GRB14: variants seen among roughly 807,000 people sequenced by gnomAD.
GRB14 encodes growth factor receptor bound protein 14, also known as growth factor receptor-bound protein 14.
In GRB14, 38 loss-of-function variants were observed where a neutral mutation model predicts 69.1. That is an observed-to-expected ratio of 0.55 (90% CI 0.42 to 0.72). The LOEUF is 0.72. GRB14 is among the 30% of genes least tolerant of loss of function. The pLI is 0.00. For synonymous variants in GRB14, 247 were observed against 241.3 expected, an observed-to-expected ratio of 1.02 and a Z score of -0.22; for missense variants, 666 against 666.1, an observed-to-expected ratio of 1.00 and a Z score of 0.00.
At chr2:164,602,201 G>A (rs1040971843) in intron 2 of GRB14, among the ~76,000 whole-genome samples, 3 of 151,292 alleles carry the variant, frequency 2.0e-5, no homozygotes, top group Non-Finnish European at 2.9e-5. Flanking sequence ...GGAAGGGAGG[G>A]GAGGGGAAGG....
At position 164,556,268 on chromosome 2, in the gene GRB14, G is replaced by A. The variant is rs565206018; in HGVS notation, c.325-8452C>T. On this transcript the variant is annotated intron_variant, in intron 2 of 13. Coordinates refer to ENST00000263915, the MANE Select transcript of GRB14 (RefSeq NM_004490.3). ...TCTTATTGCTATCCTGTATTATTTT[G>A]CTAGCTGTCAAATATTTACTAAGAG... is the stretch of plus-strand genomic sequence containing the variant. Among the ~76,000 whole-genome samples, 16 of 152,150 alleles carry A rather than the reference G, an allele frequency of 1.1e-4. No individual in the cohort carries two copies. The East Asian group carries it at 2.9e-3, about 28-fold the overall frequency.
chr2:164,522,068 G>C lies in GRB14; in HGVS notation c.728C>G (p.Ala243Gly). The change falls in exon 6 of 14, where the codon GCG becomes GGG. Residue 243 changes from alanine to glycine, a missense_variant. Ala to Gly is a moderately conservative substitution (Grantham distance 60, BLOSUM62 0). Transcript: ENST00000263915. ...TYPEIHGFLH[A>G]KEQGKKSWKK... ...CCAAGACTTCTTTCCCTGTTCTTTC[G>C]CATGTAAGAAACCATGAATTTCAGG... is the stretch of plus-strand genomic sequence containing the variant. 1 of 1,599,606 alleles carries C rather than the reference G, an allele frequency of 6.3e-7. No homozygotes were observed. The highest frequency in any genetic ancestry group is 1.3e-5 in the African/African-American group (1 of 74,508).
rs61305070 is a variant in GRB14 at position 164,579,501 on chromosome 2, GCACACACACACACACA to G, written c.325-31701_325-31686del. ...CCTCATTTTATTACAGGGCACACTT[GCACACACACACACACA>G]CACACACACACACACACACACTTAC... On this transcript the variant is annotated intron_variant, in intron 2 of 13. Transcript: ENST00000263915. 3.5e-3 allele frequency among the ~76,000 whole-genome samples: 504 copies of G among 145,012 alleles called. 2 individuals carry two copies. Among genetic ancestry groups the G allele is most frequent in the Admixed American group, 4.1e-3 (60 of 14,548 alleles).
intron 13 of GRB14, among the ~76,000 whole-genome samples, chr2:164,493,786 C>T (rs1293229595): frequency 6.7e-6 from 1 of 148,564 alleles, no homozygotes; most frequent in Non-Finnish European, 1.5e-5. Context: ...AAAGGACGCA[C>T]TAGTAATTTA....
At chr2:164,575,578 T>A (rs1381373894) in intron 2 of GRB14, among the ~76,000 whole-genome samples, 4 of 152,138 alleles carry the variant, frequency 2.6e-5, no homozygotes, top group South Asian at 4.1e-4. Flanking sequence ...CTATATAAAC[T>A]GACTGCTTTG....
chr2:164,533,302 G>C (rs1405196318), intron 3 of GRB14, among the ~76,000 whole-genome samples: 4 of 135,592 alleles, frequency 3.0e-5, no homozygotes, highest in African/African-American at 1.1e-4. Context: ...GCGCAATCTC[G>C]GCTCACTGCA....
At chr2:164,524,840 A>G (rs1261521928) in intron 5 of GRB14, among the ~76,000 whole-genome samples, 164 bp downstream of exon 5, 3 of 151,992 alleles carry the variant, frequency 2.0e-5, no homozygotes, top group African/African-American at 2.4e-5. Context: ...GATTTAGGAC[A>G]TTCTTTGCCT....
At chr2:164,526,238 T>A (rs1166234498) in intron 4 of GRB14, among the ~76,000 whole-genome samples, 1 of 152,090 alleles carries the variant, frequency 6.6e-6, no homozygotes, top group African/African-American at 2.4e-5. Context: ...GTATCATATA[T>A]TTTTCATAAA....
chr2:164,498,050 A>G (rs1686951383), intron 9 of GRB14, among the ~76,000 whole-genome samples: 1 of 152,198 alleles, frequency 6.6e-6, no homozygotes, highest in Admixed American at 6.5e-5. Context: ...GAGTTTTATA[A>G]TGGAGCAAAC....
intron 2 of GRB14, among the ~76,000 whole-genome samples, chr2:164,603,252 T>A (rs1230208888): frequency 6.6e-6 from 1 of 151,216 alleles, no homozygotes; most frequent in East Asian, 1.9e-4. Flanking sequence ...AAAGAAAAGA[T>A]GATTAATAAG....
chr2:164,588,417 G>A (rs996165847), intron 2 of GRB14, among the ~76,000 whole-genome samples: 8 of 152,272 alleles, frequency 5.3e-5, no homozygotes, highest in Admixed American at 4.6e-4. Flanking sequence ...CGGACCATCT[G>A]GTAGGCTATG....
At chr2:164,529,774 T>C (rs920588071) in intron 3 of GRB14, among the ~76,000 whole-genome samples, 3 of 152,224 alleles carry the variant, frequency 2.0e-5, no homozygotes, top group Non-Finnish European at 4.4e-5. Context: ...ACCGATAGCA[T>C]AGCAAACCTC....
chr2:164,516,610 A>C (rs1281857632), intron 6 of GRB14, among the ~76,000 whole-genome samples: 3 of 152,154 alleles, frequency 2.0e-5, no homozygotes, highest in African/African-American at 7.2e-5. Context: ...ATCAGCCAAA[A>C]ATTTTGTATC....
At chr2:164,591,202 G>T (rs998153069) in intron 2 of GRB14, among the ~76,000 whole-genome samples, 3 of 152,154 alleles carry the variant, frequency 2.0e-5, no homozygotes, top group African/African-American at 7.2e-5. Flanking sequence ...GACTAGGGAA[G>T]GAGAAAGAGC....
chr2:164,591,918 T>C (rs549492757), intron 2 of GRB14, among the ~76,000 whole-genome samples: 49 of 152,106 alleles, frequency 3.2e-4, no homozygotes, highest in Non-Finnish European at 6.2e-4. Flanking sequence ...GTTTTCCCCA[T>C]ACTGTTCTTG....
At chr2:164,603,205 T>C (rs1168281210) in intron 2 of GRB14, among the ~76,000 whole-genome samples, 1 of 151,924 alleles carries the variant, frequency 6.6e-6, no homozygotes, top group Non-Finnish European at 1.5e-5. Context: ...AAAGGGGAAC[T>C]TAATACATGA....
At chr2:164,501,483 A>T (rs907822916) in intron 9 of GRB14, among the ~76,000 whole-genome samples, 3 of 152,160 alleles carry the variant, frequency 2.0e-5, no homozygotes, top group African/African-American at 7.2e-5. Context: ...TATCTTAAGG[A>T]GTGCAGCAAA....
At position 164,547,640 on chromosome 2, in the gene GRB14, C is replaced by A. The variant is rs1262774390; in HGVS notation, c.481+20G>T. The A allele has an allele frequency of 1.3e-6, 2 of 1,594,236 alleles. No individual in the cohort carries two copies. Among genetic ancestry groups the A allele is most frequent in the South Asian group, 1.1e-5 (1 of 88,254 alleles). ...GAAATAGAAAAGCAATGATGTGAGA[C>A]AATAACTCCGTATCCTTACCTACAC... is the stretch of plus-strand genomic sequence containing the variant. On this transcript the variant is annotated intron_variant, in intron 3 of 13. Coordinates refer to ENST00000263915, the MANE Select transcript of GRB14 (RefSeq NM_004490.3).
intron 4 of GRB14, among the ~76,000 whole-genome samples, chr2:164,525,847 C>A (rs1232027675): frequency 6.6e-6 from 1 of 151,912 alleles, no homozygotes; most frequent in Non-Finnish European, 1.5e-5. Flanking sequence ...TTAGAGTATT[C>A]CTATCCTCTG....
Sources: allele counts gnomAD v4.1 joint callset (sites outside exome capture counted in the v4.1 genomes callset), GRCh38; gene constraint gnomAD v4.1.1; transcripts MANE v1.5; gene names NCBI Gene and HGNC (gene_info 2026-07-23, HGNC 2026-07-21).